SNX20: variants seen among roughly 807,000 people sequenced by gnomAD.
The protein encoded by SNX20 is sorting nexin-20.
SNX20 carries 21 observed loss-of-function variants against 24.5 expected under a neutral mutation model. The observed-to-expected ratio is 0.86, with a 90% CI of 0.61 to 1.23. The LOEUF (loss-of-function observed/expected upper bound fraction) is 1.23, where lower values mean the gene tolerates loss of function less well. SNX20 is among the 50% of genes most tolerant of loss of function. The probability of loss-of-function intolerance (pLI) is 0.00; values close to 1 mark genes in which losing one functional copy is unlikely to be tolerated. For missense variants in SNX20, 433 were observed against 430.8 expected (o/e 1.00, Z -0.04); for synonymous variants, 206 against 192.8 (o/e 1.07, Z -0.57).
chr16:50,674,359 C>T (rs1481043065), intron 3 of SNX20, among the ~76,000 whole-genome samples: 1 of 151,996 alleles, frequency 6.6e-6, no homozygotes, highest in African/African-American at 2.4e-5. Flanking sequence ...AATTGACCTG[C>T]CCACCTGAGC....
chr16:50,668,482 A>C, downstream of SNX20: 1 of 881,172 alleles, frequency 1.1e-6, no homozygotes, highest in Non-Finnish European at 1.4e-6. Context: ...TAATTATAGC[A>C]AGTGATTCTG....
intron 1 of SNX20, among the ~76,000 whole-genome samples, chr16:50,680,626 C>T (rs752988105): frequency 3.9e-5 from 6 of 152,146 alleles, no homozygotes; most frequent in Admixed American, 6.5e-5. Flanking sequence ...ACATGGCCCA[C>T]GCTGGGAGAC....
chr16:50,675,724 G>C (rs371157956), intron 3 of SNX20, 46 bp downstream of exon 3: 14 of 1,605,804 alleles, frequency 8.7e-6, no homozygotes, highest in Middle Eastern at 1.7e-4. Context: ...GGGCCAGGAA[G>C]GAAGCAGAGT....
At chr16:50,669,030 T>C, downstream of SNX20, 8 of 1,551,836 alleles carry the variant, frequency 5.2e-6, no homozygotes, top group Non-Finnish European at 6.1e-6. Flanking sequence ...TTATTCTGTG[T>C]GTGCTGCCTC....
rs953080409 is a variant in SNX20 at position 50,673,324 on chromosome 16, T to TA, written c.*81dup. The TA allele has an allele frequency of 1.4e-4, 196 of 1,378,454 alleles. No homozygotes were observed. Among genetic ancestry groups the TA allele is most frequent in the South Asian group, 7.5e-4 (40 of 53,572 alleles). 85.4% of individuals were successfully genotyped at this position (1,378,454 alleles called of 1,614,324 possible). ...AAATAACAAAAAAGAAAAGGAAAAATAAAAAAAAAGAACCCCAAACAGCCC... is the reference window on the plus strand; with the variant it reads ...AAATAACAAAAAAGAAAAGGAAAAATAAAAAAAAAAGAACCCCAAACAGCCC... On this transcript the variant is annotated 3_prime_UTR_variant, in exon 4 of 4. Transcript: ENST00000330943. The surrounding 1 kb of genome is among the most constrained non-coding windows in gnomAD (Gnocchi z 4.1).
chr16:50,668,308 T>A (rs1962962525), downstream of SNX20: 3 of 1,359,132 alleles, frequency 2.2e-6, no homozygotes, highest in South Asian at 4.7e-5. Context: ...AAGTCTCAGC[T>A]TGGTGATTGC....
At chr16:50,666,644 A>G (rs1270808226), downstream of SNX20, 1 of 152,314 alleles carries the variant, frequency 6.6e-6, no homozygotes, top group African/African-American at 2.4e-5. Flanking sequence ...CAATATGCCA[A>G]GACATGATTT....
Position 50,673,940 on chromosome 16 carries a change from C to T in SNX20, c.417G>A (p.Glu139=). 1 of 1,613,140 alleles carries T rather than the reference C, an allele frequency of 6.2e-7. No individual in the cohort carries two copies. The highest frequency in any genetic ancestry group is 1.1e-5 in the South Asian group (1 of 90,898). ...TCCCAGTCAGGTGCTTCCTGGGAAA[C>T]TCCACGTCTTCGATCTCCTCCCTGA... ...KTFREEIEDV[E]FPRKHLTGNF... The change falls in exon 4 of 4, where the codon GAG becomes GAA. Residue 139 remains glutamate (E), a synonymous_variant. Coordinates refer to ENST00000330943, the MANE Select transcript of SNX20 (RefSeq NM_182854.4). The surrounding 1 kb of genome is among the most constrained non-coding windows in gnomAD (Gnocchi z 4.1).
chr16:50,674,583 G>A (rs1963142373), intron 3 of SNX20, among the ~76,000 whole-genome samples: 2 of 152,142 alleles, frequency 1.3e-5, no homozygotes, highest in African/African-American at 4.8e-5. Context: ...CATCAGCTGA[G>A]TCAACCCTGG....
At position 50,675,166 on chromosome 16, in the gene SNX20, T is replaced by G. The variant is rs1963154270; in HGVS notation, c.282+604A>C. On this transcript the variant is annotated intron_variant, in intron 3 of 3. Transcript: ENST00000330943. ...GAAGGAGAAGGATGAAGTGTGGCTC[T>G]TAGGCAGTCTTTAACATCCCTTAAC... Among the ~76,000 whole-genome samples, 3 of 152,232 alleles carry G rather than the reference T, an allele frequency of 2.0e-5. No homozygotes were observed. In the South Asian group the frequency reaches 6.2e-4, roughly 32 times the overall value.
At chr16:50,669,350 G>T, downstream of SNX20, 3 of 554,264 alleles carry the variant, frequency 5.4e-6, no homozygotes, top group Non-Finnish European at 9.7e-6. Flanking sequence ...GAAGGGGAAG[G>T]GGGAGTTCGT....
intron 2 of SNX20, 23 bp downstream of exon 2, chr16:50,677,374 C>A: frequency 6.4e-7 from 1 of 1,555,974 alleles, no homozygotes; most frequent in Non-Finnish European, 8.7e-7. Flanking sequence ...TCCCCCAGAC[C>A]GAGTCTCAAG....
At chr16:50,668,866 C>T (rs1962976023), downstream of SNX20, 2 of 1,398,502 alleles carry the variant, frequency 1.4e-6, no homozygotes, top group Non-Finnish European at 9.3e-7. Context: ...GCATTCTAGG[C>T]CAAGGGGTCA....
chr16:50,676,094 C>A (rs886745422), intron 2 of SNX20, among the ~76,000 whole-genome samples, 173 bp from the exon 3 acceptor site: 2 of 152,042 alleles, frequency 1.3e-5, no homozygotes. Flanking sequence ...TCAGACAGAC[C>A]TCTGTGCCCA....
At chr16:50,668,661 C>A, downstream of SNX20, 1 of 1,034,956 alleles carries the variant, frequency 9.7e-7, no homozygotes, top group Non-Finnish European at 1.2e-6. Context: ...GGGAAGGCAG[C>A]TAAATGCAGT....
chr16:50,674,076 T>G lies in SNX20; in HGVS notation c.283-2A>C. The G allele has an allele frequency of 6.3e-7, 1 of 1,590,800 alleles. No individual in the cohort carries two copies. The highest frequency in any genetic ancestry group is 8.6e-7 in the Non-Finnish European group (1 of 1,167,140). ...CTGGATGACGATGATTTGGTACACC[T>G]AGGGCGCAACCAGAGAGAGCTGTGG... On this transcript the variant is annotated splice_acceptor_variant, in intron 3 of 3. Transcript: ENST00000330943. LOFTEE classifies it high-confidence loss of function.
At chr16:50,680,310 A>G (rs377152860) in intron 1 of SNX20, among the ~76,000 whole-genome samples, 11 of 151,962 alleles carry the variant, frequency 7.2e-5, no homozygotes, top group African/African-American at 2.7e-4. Context: ...CCCTCTCCTC[A>G]CCCTCTGTAG....
At chr16:50,676,563 A>T (rs1436578478) in intron 2 of SNX20, among the ~76,000 whole-genome samples, 2 of 152,214 alleles carry the variant, frequency 1.3e-5, no homozygotes, top group Non-Finnish European at 2.9e-5. Flanking sequence ...ATAATTGTGC[A>T]TTTTATTGCA....
Position 50,674,036 on chromosome 16 carries a change from G to T in SNX20, c.321C>A (p.Asp107Glu). The T allele has an allele frequency of 6.2e-7, 1 of 1,608,918 alleles. No homozygotes were observed. Among genetic ancestry groups the T allele is most frequent in the Non-Finnish European group, 8.5e-7 (1 of 1,177,596 alleles). The change falls in exon 4 of 4, where the codon GAC (aspartate) becomes GAA (glutamate). Residue 107 changes from aspartate (D) to glutamate (E), a missense_variant. Asp to Glu is a conservative substitution (Grantham distance 45). Coordinates refer to ENST00000330943, the MANE Select transcript of SNX20 (RefSeq NM_182854.4). ...QIIVIQTGSF[D>E]NNKAVLERRY... Reference sequence around the variant, plus strand: ...GCCGTTCCAGGACGGCCTTGTTGTTGTCAAAGCTCCCAGTCTGGATGACGA... The same window carrying T: ...GCCGTTCCAGGACGGCCTTGTTGTTTTCAAAGCTCCCAGTCTGGATGACGA...
Sources: allele counts gnomAD v4.1 joint callset (sites outside exome capture counted in the v4.1 genomes callset), GRCh38; gene constraint gnomAD v4.1.1; non-coding constraint Gnocchi (gnomAD v3.1); transcripts MANE v1.5; gene names NCBI Gene and HGNC (gene_info 2026-07-23, HGNC 2026-07-21).